The following ARHGEF12 variants were observed in gnomAD, a reference collection of about 807,000 sequenced individuals.
ARHGEF12 encodes the protein KMT2A/ARHGEF12 fusion protein.
Under a neutral mutation model 211.2 loss-of-function variants are expected in ARHGEF12, and 66 were observed. That is an observed-to-expected ratio of 0.31 (90% confidence interval 0.26 to 0.38). The LOEUF (loss-of-function observed/expected upper bound fraction) is 0.38. Ranked by LOEUF, ARHGEF12 falls within the 10% of genes least tolerant of loss-of-function variation. The pLI is 1.00. For missense variants in ARHGEF12, 1,429 were observed against 1,869.5 expected (o/e 0.76, Z 4.34); for synonymous variants, 592 against 638.4 (o/e 0.93, Z 1.09).
At chr11:120,392,904 T>C (rs1944264090) in intron 1 of ARHGEF12, among the ~76,000 whole-genome samples, 1 of 152,224 alleles carries the variant, frequency 6.6e-6, no homozygotes, top group Non-Finnish European at 1.5e-5. Context: ...ATGGAATTAC[T>C]GTTAGGCCAA....
At chr11:120,408,715 T>G (rs1212759252) in intron 3 of ARHGEF12, 1 of 152,050 alleles carries the variant, frequency 6.6e-6, no homozygotes, top group African/African-American at 2.4e-5. Flanking sequence ...TAGTATAAAC[T>G]CCTTTATTTT....
At chr11:120,339,924 GTCCGCA>G (rs1942479625) in intron 1 of ARHGEF12, among the ~76,000 whole-genome samples, 2 of 151,956 alleles carry the variant, frequency 1.3e-5, no homozygotes. Context: ...TTACTCCCCA[GTCCGCA>G]CCCCTTAAAA....
In ARHGEF12 at chr11:120,425,774, AAAAG is replaced by A. The variant is rs1255736563; in HGVS notation, c.406+1361_406+1364del. Among the ~76,000 whole-genome samples, 337 of 152,110 alleles carry A rather than the reference AAAAG, an allele frequency of 2.2e-3. 1 individual carries two copies. The highest frequency in any genetic ancestry group is 0.014 in the Middle Eastern group (4 of 294). ...ATTGTATCTCTTAAAAAAAAAAAAA[AAAAG>A]AGAGAGACTGCTTGAACTGAATGAA... On this transcript the variant is annotated intron_variant, in intron 7 of 40. Transcript: ENST00000397843.
chr11:120,410,294 T>TTTG (rs1491419314), intron 4 of ARHGEF12: 2 of 23,940 alleles, frequency 8.4e-5, no homozygotes, highest in Non-Finnish European at 7.1e-5. Flanking sequence ...TGTTTTGGGG[T>TTTG]TTTTTTTTTT....
At chr11:120,395,615 A>G (rs1431645511) in intron 1 of ARHGEF12, among the ~76,000 whole-genome samples, 1 of 152,212 alleles carries the variant, frequency 6.6e-6, no homozygotes, top group Admixed American at 6.5e-5. Context: ...GGGAGGCCTC[A>G]CAATCATGGC....
Position 120,385,713 on chromosome 11 carries a change from C to T in ARHGEF12, c.33-20405C>T, listed in dbSNP as rs78768620. Among the ~76,000 whole-genome samples the T allele has an allele frequency of 9.5e-3, 1,450 of 152,228 alleles. 9 individuals carry two copies. Among genetic ancestry groups the T allele is most frequent in the Middle Eastern group, 0.024 (7 of 294 alleles). ...AAGAAAATTCCTAGTTTTGAAAACC[C>T]GTGCCTTAATTGCTTAGCTTTAGAA... On this transcript the variant is annotated intron_variant, in intron 1 of 40. Coordinates refer to ENST00000397843, the MANE Select transcript of ARHGEF12 (RefSeq NM_015313.3).
In ARHGEF12 at chr11:120,442,045, G is replaced by A. The variant is rs977345508; in HGVS notation, c.1204-59G>A. On this transcript the variant is annotated intron_variant, in intron 14 of 40. Coordinates refer to ENST00000397843, the MANE Select transcript of ARHGEF12 (RefSeq NM_015313.3). The stretch of plus-strand genomic sequence containing the variant: ...GACATTCCTACTCAATGGTGACCTA[G>A]CAAATTACATTTTTCATGGTTCCTC... The A allele has an allele frequency of 1.1e-5, 14 of 1,279,276 alleles. No individual in the cohort carries two copies. The Middle Eastern group carries it at 7.5e-4, about 69-fold the overall frequency. The allele number at this position is 1,279,276 out of a possible 1,614,324, so 79.2% of individuals were successfully genotyped here.
chr11:120,476,603 A>G (rs892015970), intron 33 of ARHGEF12, 58 bp from the exon 34 acceptor site: 1 of 1,291,762 alleles, frequency 7.7e-7, no homozygotes, highest in East Asian at 2.4e-5. Context: ...CCCTAAAAAC[A>G]TCCCTCATGG....
intron 1 of ARHGEF12, among the ~76,000 whole-genome samples, chr11:120,374,266 T>C (rs978415321): frequency 1.3e-5 from 2 of 152,202 alleles, no homozygotes; most frequent in Admixed American, 6.5e-5. Flanking sequence ...TATGCTTTTT[T>C]TCATAAAAAG....
At chr11:120,427,955 T>G in intron 7 of ARHGEF12, 114 bp from the exon 8 acceptor site, 3 of 887,752 alleles carry the variant, frequency 3.4e-6, no homozygotes, top group Non-Finnish European at 4.9e-6. Context: ...TGGGACTGTC[T>G]TACATAACTG....
chr11:120,352,002 G>A (rs114750904), intron 1 of ARHGEF12, among the ~76,000 whole-genome samples: 1,663 of 152,170 alleles, frequency 0.011, 31 homozygotes, highest in African/African-American at 0.038. Context: ...GGTCACAGTC[G>A]TTTGTGGTTA....
chr11:120,467,053 G>T (rs1946724065), intron 28 of ARHGEF12, 141 bp from the exon 29 acceptor site: 1 of 574,386 alleles, frequency 1.7e-6, no homozygotes, highest in South Asian at 2.4e-5. Flanking sequence ...GTATATTGTG[G>T]CAATGATATA....
intron 1 of ARHGEF12, among the ~76,000 whole-genome samples, chr11:120,340,575 T>G (rs980363748): frequency 1.3e-5 from 2 of 152,184 alleles, no homozygotes; most frequent in Admixed American, 1.3e-4. Context: ...GTGATACTTT[T>G]TCTGTCAAAA....
Position 120,478,204 on chromosome 11 carries a change from C to T in ARHGEF12, c.3581C>T (p.Ser1194Phe), listed in dbSNP as rs958686729. The change falls in exon 37 of 41, where the codon TCT becomes TTT. Residue 1194 changes from serine to phenylalanine, a missense_variant. Physicochemically the swap from Ser to Phe is radical, Grantham distance 155 (BLOSUM62 -2). Transcript: ENST00000397843. ...ACCTTAATATCGTCAAAACCTCAGT[C>T]TCATTCACTGAGTACCTCTGGGAAA... is the stretch of plus-strand genomic sequence containing the variant. ...ESTLISSKPQ[S>F]HSLSTSGKSE... 6.2e-7 allele frequency: 1 copy of T among 1,613,914 alleles called. No individual in the cohort carries two copies. Among genetic ancestry groups the T allele is most frequent in the African/African-American group, 1.3e-5 (1 of 74,880 alleles).
chr11:120,444,641 A>G (rs762633247), intron 15 of ARHGEF12, among the ~76,000 whole-genome samples: 1 of 152,236 alleles, frequency 6.6e-6, no homozygotes, highest in Non-Finnish European at 1.5e-5. Context: ...CTGAAATTGT[A>G]TGACTTAAAT....
rs987203940 is a variant in ARHGEF12 at position 120,457,910 on chromosome 11, A to C, written c.2225+154A>C. ...TCTTAAGAAACACTGGTCATTCAAA[A>C]GCTGTATTTTGAAGTATGTATAAAA... is the stretch of plus-strand genomic sequence containing the variant. On this transcript the variant is annotated intron_variant, in intron 24 of 40. Coordinates refer to ENST00000397843, the MANE Select transcript of ARHGEF12 (RefSeq NM_015313.3). 4 of 1,137,050 alleles carry C rather than the reference A, an allele frequency of 3.5e-6. No homozygotes were observed. In the African/African-American group the frequency reaches 6.3e-5, roughly 18 times the overall value. The allele number at this position is 1,137,050 out of a possible 1,614,324, so 70.4% of individuals were successfully genotyped here.
intron 8 of ARHGEF12, among the ~76,000 whole-genome samples, chr11:120,429,192 C>T (rs1201816571): frequency 1.3e-5 from 2 of 152,096 alleles, no homozygotes; most frequent in Admixed American, 6.6e-5. Flanking sequence ...TTCATTTCTC[C>T]AATATCAATA....
At chr11:120,347,387 C>T (rs1942801081) in intron 1 of ARHGEF12, among the ~76,000 whole-genome samples, 1 of 150,674 alleles carries the variant, frequency 6.6e-6, no homozygotes, top group Admixed American at 6.6e-5. Context: ...TCTCACTGAG[C>T]CTCTGTTGGA....
intron 4 of ARHGEF12, among the ~76,000 whole-genome samples, chr11:120,420,040 T>C (rs1271356572): frequency 1.3e-5 from 2 of 151,978 alleles, no homozygotes; most frequent in Non-Finnish European, 2.9e-5. Context: ...TTTCATTTGC[T>C]GTTTAGAAGA....
Sources: gnomAD v4.1 joint callset for allele counts (sites outside exome capture counted in the v4.1 genomes callset) on GRCh38, gnomAD v4.1.1 for gene constraint, MANE v1.5 for transcripts, NCBI Gene and HGNC (gene_info 2026-07-23, HGNC 2026-07-21) for gene names.